The following PRKAA2 variants were observed in gnomAD, a reference collection of about 807,000 sequenced individuals.
PRKAA2 encodes protein kinase AMP-activated catalytic subunit alpha 2.
In PRKAA2, 40 loss-of-function variants were observed where a neutral mutation model predicts 56.3. The ratio of observed to expected loss-of-function variants is 0.71; its 90% CI spans 0.55 to 0.92. The LOEUF (loss-of-function observed/expected upper bound fraction) is 0.92, where lower values mean the gene tolerates loss of function less well. PRKAA2 is among the 40% of genes least tolerant of loss of function. The pLI is 0.00. For synonymous variants in PRKAA2, 214 were observed against 234.2 expected, an observed-to-expected ratio of 0.91 and a Z score of 0.79; for missense variants, 542 against 686.9, an observed-to-expected ratio of 0.79 and a Z score of 2.36.
At chr1:56,655,062 A>G (rs990499703) in intron 1 of PRKAA2, among the ~76,000 whole-genome samples, 1 of 151,328 alleles carries the variant, frequency 6.6e-6, no homozygotes, top group African/African-American at 2.4e-5. Context: ...TTCTTATTCA[A>G]CATCTCAGTT....
intron 1 of PRKAA2, among the ~76,000 whole-genome samples, chr1:56,665,643 A>G (rs914333320): frequency 6.6e-6 from 1 of 152,194 alleles, no homozygotes; most frequent in African/African-American, 2.4e-5. Context: ...GCACTAATTT[A>G]CATTCCCTCC....
At chr1:56,668,795 G>A (rs1323272443) in intron 1 of PRKAA2, among the ~76,000 whole-genome samples, 1 of 152,132 alleles carries the variant, frequency 6.6e-6, no homozygotes, top group Admixed American at 6.5e-5. Flanking sequence ...GGTAAAAAAT[G>A]CTGGACTTCA....
At chr1:56,658,679 A>G (rs765855901) in intron 1 of PRKAA2, among the ~76,000 whole-genome samples, 1 of 146,352 alleles carries the variant, frequency 6.8e-6, no homozygotes, top group Non-Finnish European at 1.5e-5. Flanking sequence ...TGGCACAATC[A>G]TAGCTCACTG....
At chr1:56,683,066 A>G (rs536345566) in intron 2 of PRKAA2, among the ~76,000 whole-genome samples, 60 of 136,832 alleles carry the variant, frequency 4.4e-4, no homozygotes, top group Non-Finnish European at 5.5e-4. Context: ...AGGAGAAAGA[A>G]AGGAATTTTT....
chr1:56,691,750 A>G (rs1326685692), intron 3 of PRKAA2, among the ~76,000 whole-genome samples: 1 of 152,202 alleles, frequency 6.6e-6, no homozygotes, highest in Non-Finnish European at 1.5e-5. Context: ...GTTGAAGATC[A>G]GTTATTTCCT....
intron 3 of PRKAA2, 123 bp from the exon 4 acceptor site, chr1:56,692,235 T>G (rs1644233062): frequency 9.0e-7 from 1 of 1,108,752 alleles, no homozygotes; most frequent in Non-Finnish European, 1.3e-6. Context: ...TTTCACCTTA[T>G]TGGTCAGGCT....
At chr1:56,655,280 A>ATATATTTTTTT in intron 1 of PRKAA2, among the ~76,000 whole-genome samples, 47 of 93,648 alleles carry the variant, frequency 5.0e-4, no homozygotes, top group South Asian at 3.7e-3. Flanking sequence ...ATATATATAT[A>ATATATTTTTTT]TTTTTTTTTT....
chr1:56,712,098 T>C lies in PRKAA2; in HGVS notation c.*4385T>C, dbSNP rs1644371972. 1 of 152,180 alleles carries C rather than the reference T, an allele frequency of 6.6e-6. No homozygotes were observed. The highest frequency in any genetic ancestry group is 6.5e-5 in the Admixed American group (1 of 15,268). The allele number at this position is 152,180 out of a possible 1,614,324, so 9.4% of individuals were successfully genotyped here. A position where few individuals can be genotyped will look rare whatever the true frequency, so the allele number is the denominator to read the frequency against. Reference sequence around the variant, plus strand: ...TTTTTCGATCTAGAGACCCTTCATATTGTTTACTTACTATTACGATAACTT... The same window carrying C: ...TTTTTCGATCTAGAGACCCTTCATACTGTTTACTTACTATTACGATAACTT... On this transcript the variant is annotated 3_prime_UTR_variant, in exon 9 of 9. Coordinates refer to ENST00000371244, the MANE Select transcript of PRKAA2 (RefSeq NM_006252.4).
At chr1:56,706,929 T>C (rs1644335588) in intron 8 of PRKAA2, among the ~76,000 whole-genome samples, 1 of 152,126 alleles carries the variant, frequency 6.6e-6, no homozygotes, top group South Asian at 2.1e-4. Flanking sequence ...TTTATATGGA[T>C]CCCAGACCTG....
chr1:56,676,572 A>C (rs1165869055), intron 2 of PRKAA2, among the ~76,000 whole-genome samples: 1 of 152,228 alleles, frequency 6.6e-6, no homozygotes, highest in Non-Finnish European at 1.5e-5. Flanking sequence ...AAAGAACTGT[A>C]AGATAATACA....
chr1:56,685,129 A>G (rs1644182075), intron 2 of PRKAA2, among the ~76,000 whole-genome samples: 1 of 152,186 alleles, frequency 6.6e-6, no homozygotes, highest in South Asian at 2.1e-4. Context: ...ATGTTAAGAT[A>G]TTTTAAGCCT....
chr1:56,700,946 G>A (rs1644289565), intron 6 of PRKAA2, among the ~76,000 whole-genome samples: 1 of 152,134 alleles, frequency 6.6e-6, no homozygotes, highest in Non-Finnish European at 1.5e-5. Flanking sequence ...AACTTAAAAA[G>A]CCACAAATCT....
At chr1:56,695,098 G>A (rs1219238388) in intron 5 of PRKAA2, among the ~76,000 whole-genome samples, 1 of 150,974 alleles carries the variant, frequency 6.6e-6, no homozygotes, top group African/African-American at 2.4e-5. Flanking sequence ...TCAGGATAAT[G>A]TGATACAGGA....
intron 2 of PRKAA2, among the ~76,000 whole-genome samples, chr1:56,686,922 T>G (rs1644195161): frequency 6.6e-6 from 1 of 151,132 alleles, no homozygotes; most frequent in African/African-American, 2.4e-5. Flanking sequence ...TTCACTCTTG[T>G]TGCCCAGGCT....
intron 1 of PRKAA2, among the ~76,000 whole-genome samples, chr1:56,658,573 GT>G (rs71795545): frequency 0.02 from 2,167 of 110,532 alleles, 121 homozygotes; most frequent in East Asian, 0.14. Flanking sequence ...AAATGTTGTT[GT>G]TTTTTTTTTT....
At chr1:56,663,513 C>A (rs929216196) in intron 1 of PRKAA2, among the ~76,000 whole-genome samples, 14 of 152,174 alleles carry the variant, frequency 9.2e-5, no homozygotes, top group Admixed American at 3.9e-4. Context: ...TTTCCTATTA[C>A]AACTCTTCGA....
At chr1:56,658,388 A>C (rs1643962179) in intron 1 of PRKAA2, among the ~76,000 whole-genome samples, 1 of 152,186 alleles carries the variant, frequency 6.6e-6, no homozygotes, top group Admixed American at 6.5e-5. Context: ...ACAAAAAGAA[A>C]ATAGACACAT....
At chr1:56,650,151 G>A (rs991849733) in intron 1 of PRKAA2, among the ~76,000 whole-genome samples, 3 of 152,002 alleles carry the variant, frequency 2.0e-5, no homozygotes, top group African/African-American at 7.2e-5. Context: ...TCAATTTATG[G>A]ACCAAAGTTA....
chr1:56,692,024 T>C (rs1644231316), intron 3 of PRKAA2, among the ~76,000 whole-genome samples: 1 of 142,684 alleles, frequency 7.0e-6, no homozygotes, highest in Non-Finnish European at 1.5e-5. Flanking sequence ...AATAGATGTC[T>C]CAGATTTTTT....
Sources: allele counts gnomAD v4.1 joint callset (sites outside exome capture counted in the v4.1 genomes callset), GRCh38; gene constraint gnomAD v4.1.1; transcripts MANE v1.5; gene names NCBI Gene and HGNC (gene_info 2026-07-23, HGNC 2026-07-21).